The following NABP1 variants were observed in gnomAD, a reference collection of about 807,000 sequenced individuals.
The protein encoded by NABP1 is nucleic acid binding protein 1, also known as SOSS complex subunit B2.
In NABP1, 18 loss-of-function variants were observed where a neutral mutation model predicts 25.0. That is an observed-to-expected ratio of 0.72 (90% confidence interval 0.50 to 1.07). The LOEUF is 1.07. Among genes scored for constraint, NABP1 ranks in the 50% least tolerant of loss-of-function variants. NABP1 has a pLI of 0.00. For synonymous variants in NABP1, 71 were observed against 85.0 expected (o/e 0.84, Z 0.91); for missense variants, 270 against 255.6 (o/e 1.06, Z -0.39).
intron 4 of NABP1, 109 bp from the exon 5 acceptor site, chr2:191,684,121 A>G (rs1558987424): frequency 4.3e-6 from 3 of 695,422 alleles, no homozygotes; most frequent in Non-Finnish European, 6.7e-6. Context: ...TAATTAAAAA[A>G]AAAAAAAAAG....
intron 5 of NABP1, 59 bp downstream of exon 5, chr2:191,684,355 A>G: frequency 8.0e-7 from 1 of 1,250,042 alleles, no homozygotes; most frequent in Non-Finnish European, 1.1e-6. Flanking sequence ...GAGAGCTGTA[A>G]AGATTCACGT....
At position 191,686,455 on chromosome 2, in the gene NABP1, A is replaced by C. The variant is rs1687824417; in HGVS notation, c.*687A>C. 2.0e-5 allele frequency: 3 copies of C among 152,336 alleles called. No individual in the cohort carries two copies. The South Asian group carries it at 6.2e-4, about 32-fold the overall frequency. The allele number at this position is 152,336 out of a possible 1,614,324, so 9.4% of individuals were successfully genotyped here. A position where few individuals can be genotyped will look rare whatever the true frequency, so the allele number is the denominator to read the frequency against. ...AACTTTGTGGATTACATTGGAGGAA[A>C]ATTTAAAACTGGGGCCTTGAATATT... On this transcript the variant is annotated 3_prime_UTR_variant, in exon 6 of 6. Transcript: ENST00000425611.
chr2:191,680,088 T>G (rs1574755109), intron 2 of NABP1, among the ~76,000 whole-genome samples: 1 of 152,172 alleles, frequency 6.6e-6, no homozygotes, highest in South Asian at 2.1e-4. Context: ...AGTTGGCGGA[T>G]AGGTGGCTTT....
chr2:191,679,183 G>T, intron 2 of NABP1, 55 bp downstream of exon 2: 1 of 1,607,562 alleles, frequency 6.2e-7, no homozygotes, highest in Non-Finnish European at 8.5e-7. Flanking sequence ...GGGATTGGCC[G>T]GCTCCTGGGA....
chr2:191,680,370 T>TCAGGAAGTGAGGTAAAGTGTCATCAAAG (rs1687654163), intron 2 of NABP1, among the ~76,000 whole-genome samples: 1 of 152,318 alleles, frequency 6.6e-6, no homozygotes, highest in East Asian at 1.9e-4. Flanking sequence ...TACAACATCT[T>TCAGGAAGTGAGGTAAAGTGTCATCAAAG]CAGGAAGTGA....
chr2:191,680,145 A>G (rs1466734875), intron 2 of NABP1, among the ~76,000 whole-genome samples: 1 of 152,220 alleles, frequency 6.6e-6, no homozygotes, highest in African/African-American at 2.4e-5. Context: ...GCTTTTAGAA[A>G]TTTACCAAAT....
intron 2 of NABP1, among the ~76,000 whole-genome samples, chr2:191,681,083 T>C (rs1360464376): frequency 6.6e-6 from 1 of 152,190 alleles, no homozygotes; most frequent in African/African-American, 2.4e-5. Context: ...TATGGGTTAA[T>C]TTTTATTTTA....
chr2:191,680,230 T>C (rs1453104996), intron 2 of NABP1, among the ~76,000 whole-genome samples: 1 of 152,208 alleles, frequency 6.6e-6, no homozygotes, highest in East Asian at 1.9e-4. Context: ...ATCAATAAAA[T>C]TGTAATAATT....
At position 191,685,808 on chromosome 2, in the gene NABP1, C is replaced by T. The variant is rs770825440; in HGVS notation, c.*40C>T. 1.3e-6 allele frequency: 2 copies of T among 1,571,742 alleles called. No individual in the cohort carries two copies. The highest frequency in any genetic ancestry group is 1.7e-5 in the Admixed American group (1 of 58,082). On this transcript the variant is annotated 3_prime_UTR_variant, in exon 6 of 6. Transcript: ENST00000425611. Reference sequence around the variant, plus strand: ...TCATGTGTAGTTTTTATACTACATGCCCTACTTGAACACTTATTGCACTTT... The same window carrying T: ...TCATGTGTAGTTTTTATACTACATGTCCTACTTGAACACTTATTGCACTTT...
intron 5 of NABP1, 103 bp from the exon 6 acceptor site, chr2:191,685,496 G>A: frequency 9.9e-7 from 1 of 1,005,248 alleles, no homozygotes; most frequent in South Asian, 1.9e-5. Flanking sequence ...AAAAGTGTGT[G>A]CTTTAATATT....
chr2:191,678,286 TTTTTTTC>T lies in NABP1; in HGVS notation c.-328_-322del. 5.4e-6 allele frequency: 1 copy of T among 185,604 alleles called. No individual in the cohort carries two copies. Among genetic ancestry groups the T allele is most frequent in the Non-Finnish European group, 1.1e-5 (1 of 89,490 alleles). 11.5% of individuals were successfully genotyped at this position (185,604 alleles called of 1,614,324 possible). A position where few individuals can be genotyped will look rare whatever the true frequency, so the allele number is the denominator to read the frequency against. On this transcript the variant is annotated 5_prime_UTR_variant, in exon 1 of 6. Coordinates refer to ENST00000425611, the MANE Select transcript of NABP1 (RefSeq NM_001031716.5). ...GGCAGAAGTGTCCCCTCACTGCGTTTTTTTTTCCTTTTATCCAAAGAACGGGGCAGTT... is the reference window on the plus strand; with the variant it reads ...GGCAGAAGTGTCCCCTCACTGCGTTTCTTTTATCCAAAGAACGGGGCAGTT...
chr2:191,683,468 T>G lies in NABP1; in HGVS notation c.303-261T>G. The G allele has an allele frequency of 2.8e-6, 1 of 358,404 alleles. No homozygotes were observed. Among genetic ancestry groups the G allele is most frequent in the Admixed American group, 4.7e-5 (1 of 21,482 alleles). The allele number at this position is 358,404 out of a possible 1,614,324, so 22.2% of individuals were successfully genotyped here. On this transcript the variant is annotated intron_variant, in intron 3 of 5. Transcript: ENST00000425611. The surrounding 1 kb of genome is among the most constrained non-coding windows in gnomAD (Gnocchi z 4.1). ...GACAGAGATGTTTTTGTGTCCTTGATTTTTGATGTGATTTTTTTTTCAGCA... is the reference window on the plus strand; with the variant it reads ...GACAGAGATGTTTTTGTGTCCTTGAGTTTTGATGTGATTTTTTTTTCAGCA...
chr2:191,684,090 A>G (rs1405247301), intron 4 of NABP1, 140 bp from the exon 5 acceptor site: 1 of 578,004 alleles, frequency 1.7e-6, no homozygotes, highest in Non-Finnish European at 2.8e-6. Context: ...ATGACCTAGG[A>G]AAAATCTTTA....
At position 191,683,817 on chromosome 2, in the gene NABP1, T is replaced by TATATTTTTATGATTTTTTATG. The variant is rs1260601810; in HGVS notation, c.378+16_378+17insTTTTTATGATTTTTTATGATA. ...GCAGAACAAAGGGGTAATTGTGTAG[T>TATATTTTTATGATTTTTTATG]ATACTTTTATGATTAGGCTAATTTT... On this transcript the variant is annotated intron_variant, in intron 4 of 5. Coordinates refer to ENST00000425611, the MANE Select transcript of NABP1 (RefSeq NM_001031716.5). This position sits in a 1 kb window ranked among gnomAD's most constrained non-coding sequence, Gnocchi z 4.1. 1.2e-5 allele frequency: 19 copies of TATATTTTTATGATTTTTTATG among 1,590,780 alleles called. No homozygotes were observed. The highest frequency in any genetic ancestry group is 1.6e-5 in the Non-Finnish European group (19 of 1,168,406).
chr2:191,685,051 C>G (rs1687780739), intron 5 of NABP1: 1 of 152,312 alleles, frequency 6.6e-6, no homozygotes, highest in Non-Finnish European at 1.5e-5. Context: ...TGGGATTTCA[C>G]CATATGGGCC....
chr2:191,685,578 A>G (rs558582692), intron 5 of NABP1, 21 bp from the exon 6 acceptor site: 1 of 1,590,262 alleles, frequency 6.3e-7, no homozygotes, highest in East Asian at 2.3e-5. Flanking sequence ...AATAGTGATG[A>G]ATTTTTGTAT....
rs764873279 is a variant in NABP1 at position 191,681,977 on chromosome 2, CTT to C, written c.264_265del (p.Thr90TrpfsTer5). 1.3e-6 allele frequency: 2 copies of C among 1,515,952 alleles called. No individual in the cohort carries two copies. Among genetic ancestry groups the C allele is most frequent in the Non-Finnish European group, 1.8e-6 (2 of 1,137,870 alleles). The allele number at this position is 1,515,952 out of a possible 1,614,324, so 93.9% of individuals were successfully genotyped here. ...ATCCATGTGGAAAGGATGTCTGACA[CTT>C]TATACTGGAAGGGGTGGTGAACTTC... ...YASMWKGCLT[L>X]YTGRGGELQK... On this transcript the variant is annotated frameshift_variant, in exon 3 of 6. Coordinates refer to ENST00000425611, the MANE Select transcript of NABP1 (RefSeq NM_001031716.5). LOFTEE classifies it high-confidence loss of function.
chr2:191,681,838 T>A lies in NABP1; in HGVS notation c.231-108T>A, dbSNP rs868642957. ...ACTATGGTGGATAGAGAGGGCTTGATCCTCACTTCTACCTTAATACAAAAA... is the reference window on the plus strand; with the variant it reads ...ACTATGGTGGATAGAGAGGGCTTGAACCTCACTTCTACCTTAATACAAAAA... On this transcript the variant is annotated intron_variant, in intron 2 of 5. Transcript: ENST00000425611. The A allele has an allele frequency of 1.1e-4, 65 of 579,320 alleles. 1 individual carries two copies. Among genetic ancestry groups the A allele is most frequent in the Admixed American group, 9.4e-4 (23 of 24,406 alleles). 35.9% of individuals were successfully genotyped at this position (579,320 alleles called of 1,614,324 possible). A position where few individuals can be genotyped will look rare whatever the true frequency, so the allele number is the denominator to read the frequency against.
rs749706210 is a variant in NABP1, at chr2:191,683,695, G to A, written c.303-34G>A. 2.0e-6 allele frequency: 3 copies of A among 1,502,814 alleles called. No individual in the cohort carries two copies. Among genetic ancestry groups the A allele is most frequent in the Non-Finnish European group, 2.8e-6 (3 of 1,083,258 alleles). The allele number at this position is 1,502,814 out of a possible 1,614,324, so 93.1% of individuals were successfully genotyped here. ...AAGAAGGGTTGAGGACTTTATTTCA[G>A]AAGTCATTTAATTTTTTCTTTATTT... is the stretch of plus-strand genomic sequence containing the variant. On this transcript the variant is annotated intron_variant, in intron 3 of 5. Coordinates refer to ENST00000425611, the MANE Select transcript of NABP1 (RefSeq NM_001031716.5). This position sits in a 1 kb window ranked among gnomAD's most constrained non-coding sequence, Gnocchi z 4.1.
Sources: gnomAD v4.1 joint callset for allele counts (sites outside exome capture counted in the v4.1 genomes callset) on GRCh38, gnomAD v4.1.1 for gene constraint, Gnocchi (gnomAD v3.1) non-coding constraint, MANE v1.5 for transcripts, NCBI Gene and HGNC (gene_info 2026-07-23, HGNC 2026-07-21) for gene names.